The following COL22A1 variants were observed in gnomAD, a reference collection of about 807,000 sequenced individuals.
COL22A1 encodes the protein collagen alpha-1(XXII) chain.
In COL22A1, 221 loss-of-function variants were observed where a neutral mutation model predicts 248.9. That is an observed-to-expected ratio of 0.89 (90% confidence interval 0.80 to 0.99). The LOEUF (loss-of-function observed/expected upper bound fraction) is 0.99, where lower values mean the gene tolerates loss of function less well. Ranked by LOEUF, COL22A1 falls within the 50% of genes least tolerant of loss-of-function variation. The pLI, the probability that COL22A1 is intolerant of heterozygous loss-of-function variation, is 0.00. For missense variants in COL22A1, 2,240 were observed against 2,179.0 expected (o/e 1.03, Z -0.56); for synonymous variants, 891 against 793.4 (o/e 1.12, Z -2.07).
chr8:138,733,861 G>A (rs1364187400), intron 23 of COL22A1, among the ~76,000 whole-genome samples: 1 of 152,204 alleles, frequency 6.6e-6, no homozygotes, highest in Non-Finnish European at 1.5e-5. Context: ...ACCCTGATCT[G>A]CAAATTAGCC....
At chr8:138,887,247 T>C (rs1824738477) in intron 1 of COL22A1, among the ~76,000 whole-genome samples, 2 of 151,152 alleles carry the variant, frequency 1.3e-5, no homozygotes, top group South Asian at 4.2e-4. Flanking sequence ...TTTTTTTAGA[T>C]GGAGTCTTAC....
chr8:138,763,016 C>A (rs1419062757), intron 16 of COL22A1, among the ~76,000 whole-genome samples: 1 of 152,162 alleles, frequency 6.6e-6, no homozygotes, highest in Non-Finnish European at 1.5e-5. Flanking sequence ...AGTCACTTCA[C>A]CTCTCTGAGA....
chr8:138,618,378 T>C (rs1203522143), intron 53 of COL22A1, among the ~76,000 whole-genome samples: 1 of 152,190 alleles, frequency 6.6e-6, no homozygotes, highest in Non-Finnish European at 1.5e-5. Context: ...ACCTCAGCTC[T>C]TTCATTACAA....
intron 3 of COL22A1, among the ~76,000 whole-genome samples, chr8:138,853,249 G>T (rs1208930011): frequency 1.3e-5 from 2 of 152,128 alleles, no homozygotes; most frequent in Non-Finnish European, 2.9e-5. Flanking sequence ...ATGGGGCGAG[G>T]GCCCCATTGG....
At chr8:138,623,399 T>C (rs370161399) in intron 52 of COL22A1, among the ~76,000 whole-genome samples, 1 of 151,698 alleles carries the variant, frequency 6.6e-6, no homozygotes, top group African/African-American at 2.4e-5. Flanking sequence ...CTCATCTACT[T>C]CAGCTTCCTC....
At chr8:138,665,042 T>C (rs897470767) in intron 41 of COL22A1, among the ~76,000 whole-genome samples, 10 of 152,320 alleles carry the variant, frequency 6.6e-5, no homozygotes, top group African/African-American at 2.4e-4. Flanking sequence ...CCAAGGTTCC[T>C]GCAGTATAGT....
chr8:138,618,819 A>G (rs917909140), intron 53 of COL22A1, among the ~76,000 whole-genome samples: 1 of 152,212 alleles, frequency 6.6e-6, no homozygotes, highest in Admixed American at 6.5e-5. Flanking sequence ...CATTTAGCAT[A>G]AAACCCAATA....
At chr8:138,752,029 G>A (rs934008199) in intron 21 of COL22A1, among the ~76,000 whole-genome samples, 8 of 152,202 alleles carry the variant, frequency 5.3e-5, no homozygotes, top group Non-Finnish European at 1.0e-4. Context: ...GACCTCATTC[G>A]AATCCTGCCC....
In COL22A1 at chr8:138,655,960, G is replaced by A. The variant is rs376042911; in HGVS notation, c.3286-16C>T. ...AAGAGAGGCCCTGTCAAAATAAAAAGAAACAAACACATACGTACATGCATA... is the reference window on the plus strand; with the variant it reads ...AAGAGAGGCCCTGTCAAAATAAAAAAAAACAAACACATACGTACATGCATA... On this transcript the variant is annotated splice_polypyrimidine_tract_variant and intron_variant, in intron 44 of 64. Coordinates refer to ENST00000303045, the MANE Select transcript of COL22A1 (RefSeq NM_152888.3). 4 of 1,602,990 alleles carry A rather than the reference G, an allele frequency of 2.5e-6. No individual in the cohort carries two copies. In the East Asian group the frequency reaches 8.9e-5, roughly 36 times the overall value.
chr8:138,722,032 C>G lies in COL22A1; in HGVS notation c.2301+4G>C. On this transcript the variant is annotated splice_donor_region_variant and intron_variant, in intron 26 of 64. Coordinates refer to ENST00000303045, the MANE Select transcript of COL22A1 (RefSeq NM_152888.3). ...AACTGGTGCCAACCGCATCAGTGAC[C>G]AACCTTGGTTCCTGGCGGACCTGGT... The G allele has an allele frequency of 1.3e-6, 2 of 1,571,388 alleles. No homozygotes were observed. Among genetic ancestry groups the G allele is most frequent in the Non-Finnish European group, 1.7e-6 (2 of 1,155,980 alleles).
intron 41 of COL22A1, among the ~76,000 whole-genome samples, chr8:138,669,895 T>A (rs1297775727): frequency 2.0e-5 from 3 of 150,582 alleles, no homozygotes; most frequent in Non-Finnish European, 4.4e-5. Flanking sequence ...CTTTTTTTTT[T>A]TTTTTTTTTG....
At chr8:138,640,523 A>G (rs1379191528) in intron 47 of COL22A1, among the ~76,000 whole-genome samples, 1 of 152,072 alleles carries the variant, frequency 6.6e-6, no homozygotes, top group East Asian at 1.9e-4. Flanking sequence ...CTCCAATGCA[A>G]TTAAAATCCT....
chr8:138,636,818 G>T, intron 47 of COL22A1, 23 bp from the exon 48 acceptor site: 1 of 1,596,686 alleles, frequency 6.3e-7, no homozygotes, highest in Admixed American at 1.7e-5. Flanking sequence ...AAAAAGAAAA[G>T]AAAGATGTCA....
intron 22 of COL22A1, among the ~76,000 whole-genome samples, chr8:138,741,152 C>T (rs1366598976): frequency 6.6e-6 from 1 of 152,220 alleles, no homozygotes; most frequent in African/African-American, 2.4e-5. Flanking sequence ...CCATTCTGCT[C>T]CCTCTGTCTG....
chr8:138,611,043 G>T (rs1375467294), intron 56 of COL22A1, among the ~76,000 whole-genome samples: 2 of 152,152 alleles, frequency 1.3e-5, no homozygotes. Context: ...TCCAGCCTGG[G>T]CAACACAGTG....
chr8:138,780,968 G>A lies in COL22A1; in HGVS notation c.1609C>T (p.Leu537=). 1 of 1,601,058 alleles carries A rather than the reference G, an allele frequency of 6.2e-7. No homozygotes were observed. The highest frequency in any genetic ancestry group is 8.5e-7 in the Non-Finnish European group (1 of 1,176,414). Residue 537 remains leucine, a synonymous_variant, in exon 13 of 65, where the codon CTG becomes TTG. Coordinates refer to ENST00000303045, the MANE Select transcript of COL22A1 (RefSeq NM_152888.3). ...GEKGEKGSLG[L]PGPPGRDGSK... is the part of the protein sequence containing the mutation. ...CCGTCTCTCCCAGGGGGGCCGGGCA[G>A]GCCCAGGGAACCCTAAAGCCAAAAA...
Position 138,694,508 on chromosome 8 carries a change from C to T in COL22A1, c.2700G>A (p.Pro900=), listed in dbSNP as rs1029399664. 4 of 1,613,974 alleles carry T rather than the reference C, an allele frequency of 2.5e-6. No individual in the cohort carries two copies. The highest frequency in any genetic ancestry group is 2.2e-5 in the South Asian group (2 of 91,084). ...ELGPQGPTGP[P]GAKGQEGAHG... is the part of the protein sequence containing the mutation. ...GCAGGGGAAGGGATGGTTTTCTTACCGGTGGTCCAGTGGGTCCCTGAGGCC... is the reference window on the plus strand; with the variant it reads ...GCAGGGGAAGGGATGGTTTTCTTACTGGTGGTCCAGTGGGTCCCTGAGGCC... The change falls in exon 34 of 65, where the codon CCG becomes CCA. Residue 900 remains proline (P), a splice_region_variant and synonymous_variant. Transcript: ENST00000303045.
At chr8:138,907,647 C>T (rs923497508) in intron 1 of COL22A1, among the ~76,000 whole-genome samples, 6 of 152,322 alleles carry the variant, frequency 3.9e-5, no homozygotes, top group Middle Eastern at 6.8e-3. Flanking sequence ...AAATGATTCT[C>T]TTTTAATAAT....
At chr8:138,621,924 C>T (rs1413578645) in intron 52 of COL22A1, among the ~76,000 whole-genome samples, 5 of 152,178 alleles carry the variant, frequency 3.3e-5, no homozygotes, top group Admixed American at 6.5e-5. Context: ...CACAGTAGCT[C>T]GTTGAGACTT....
Sources: gnomAD v4.1 joint callset for allele counts (sites outside exome capture counted in the v4.1 genomes callset) on GRCh38, gnomAD v4.1.1 for gene constraint, MANE v1.5 for transcripts, NCBI Gene and HGNC (gene_info 2026-07-23, HGNC 2026-07-21) for gene names.